The following REDIC1 variants were observed in gnomAD, a reference collection of about 807,000 sequenced individuals.
REDIC1 encodes HEI10 Interacting Protein 1.
the REDIC1 span, among the ~76,000 whole-genome samples, chr12:39,897,441 A>G: frequency 1.3e-5 from 2 of 152,200 alleles, no homozygotes; most frequent in South Asian, 4.1e-4. Context: ...TTCCACTGCT[A>G]TAAGTAGGAT....
chr12:39,712,464 G>T, the REDIC1 span, among the ~76,000 whole-genome samples: 1 of 106,104 alleles, frequency 9.4e-6, no homozygotes. Flanking sequence ...GTATATATAC[G>T]TATGTATATA....
chr12:39,711,731 G>GTGTATGTGTGTGTACACATGCA, the REDIC1 span, among the ~76,000 whole-genome samples: 2 of 9,240 alleles, frequency 2.2e-4, no homozygotes, highest in African/African-American at 5.1e-4. Context: ...GCACATGCAT[G>GTGTATGTGTGTGTACACATGCA]TGTGTATGTG....
the REDIC1 span, among the ~76,000 whole-genome samples, chr12:39,697,166 C>T: frequency 6.6e-6 from 1 of 152,130 alleles, no homozygotes; most frequent in Non-Finnish European, 1.5e-5. Flanking sequence ...CGTCTGGGAG[C>T]AGACTTTGCA....
the REDIC1 span, among the ~76,000 whole-genome samples, chr12:39,896,295 T>C: frequency 2.1e-5 from 3 of 143,972 alleles, no homozygotes; most frequent in East Asian, 2.1e-4. Flanking sequence ...TGTATATGTG[T>C]GTATATATGT....
chr12:39,786,234 G>C, the REDIC1 span, among the ~76,000 whole-genome samples: 1 of 152,066 alleles, frequency 6.6e-6, no homozygotes, highest in Non-Finnish European at 1.5e-5. Flanking sequence ...TTGAATCATG[G>C]GGGCTGGTCT....
chr12:39,882,296 A>G, the REDIC1 span, among the ~76,000 whole-genome samples: 6 of 152,308 alleles, frequency 3.9e-5, no homozygotes, highest in East Asian at 9.6e-4. Context: ...TCTAGGACCA[A>G]GAATTTGCCT....
the REDIC1 span, among the ~76,000 whole-genome samples, chr12:39,732,253 G>T: frequency 8.4e-3 from 1,277 of 152,246 alleles, 17 homozygotes; most frequent in African/African-American, 0.028. Flanking sequence ...GACATATGGA[G>T]ATTTTCATAG....
the REDIC1 span, among the ~76,000 whole-genome samples, chr12:39,781,063 T>A: frequency 5.3e-5 from 8 of 152,220 alleles, no homozygotes; most frequent in Admixed American, 3.9e-4. Flanking sequence ...CATAATAGCT[T>A]CACAGATTAA....
At chr12:39,710,011 G>A in the REDIC1 span, among the ~76,000 whole-genome samples, 2 of 151,468 alleles carry the variant, frequency 1.3e-5, no homozygotes, top group African/African-American at 4.8e-5. Context: ...TCTGACAGTG[G>A]TCACCCTAAG....
the REDIC1 span, among the ~76,000 whole-genome samples, chr12:39,654,369 C>T: frequency 1.3e-5 from 2 of 151,928 alleles, no homozygotes; most frequent in Non-Finnish European, 2.9e-5. Context: ...GGGCGGATCA[C>T]GAGGTCAGGA....
chr12:39,902,418 G>T, the REDIC1 span, among the ~76,000 whole-genome samples: 1 of 151,950 alleles, frequency 6.6e-6, no homozygotes, highest in Non-Finnish European at 1.5e-5. Flanking sequence ...TTTTAAACTT[G>T]AAATGTGTCT....
the REDIC1 span, among the ~76,000 whole-genome samples, chr12:39,896,380 GTATGTATATGTGTATATA>G: frequency 3.1e-3 from 413 of 134,178 alleles, no homozygotes; most frequent in African/African-American, 0.012. Context: ...ATACATATAT[GTATGTATATGTGTATATA>G]TGTATACATA....
At chr12:39,751,057 C>T in the REDIC1 span, among the ~76,000 whole-genome samples, 127,247 of 151,896 alleles carry the variant, frequency 0.84, 53,536 homozygotes, top group African/African-American at 0.88. Flanking sequence ...CCAAAATTGA[C>T]AAATGGGATC....
the REDIC1 span, among the ~76,000 whole-genome samples, chr12:39,783,340 T>C: frequency 6.6e-6 from 1 of 152,212 alleles, no homozygotes; most frequent in East Asian, 1.9e-4. Context: ...TACGTGTGCA[T>C]GTGTCTTTAT....
chr12:39,735,425 T>C, the REDIC1 span, among the ~76,000 whole-genome samples: 9 of 152,092 alleles, frequency 5.9e-5, no homozygotes, highest in Middle Eastern at 3.4e-3. Flanking sequence ...GAATAGAAAA[T>C]GATGTAGATT....
the REDIC1 span, among the ~76,000 whole-genome samples, chr12:39,647,477 C>T: frequency 6.6e-6 from 1 of 151,988 alleles, no homozygotes; most frequent in African/African-American, 2.4e-5. Flanking sequence ...CCTTAGAAAT[C>T]TTATCACCTG....
the REDIC1 span, among the ~76,000 whole-genome samples, chr12:39,691,033 G>A: frequency 2.0e-5 from 3 of 152,054 alleles, no homozygotes; most frequent in Non-Finnish European, 4.4e-5. Flanking sequence ...TAAGATAGAG[G>A]GGTTAGGGAA....
the REDIC1 span, among the ~76,000 whole-genome samples, chr12:39,848,176 G>C: frequency 6.6e-6 from 1 of 152,074 alleles, no homozygotes; most frequent in African/African-American, 2.4e-5. Context: ...AAATTGACAA[G>C]TGGGATCTAA....
chr12:39,730,629 A>G, the REDIC1 span, among the ~76,000 whole-genome samples: 1 of 152,022 alleles, frequency 6.6e-6, no homozygotes, highest in Non-Finnish European at 1.5e-5. Flanking sequence ...TCTGACGACT[A>G]CGTGTCTTGG....
Sources: gnomAD v4.1 joint callset for allele counts (sites outside exome capture counted in the v4.1 genomes callset) on GRCh38, gnomAD v4.1.1 for gene constraint, MANE v1.5 for transcripts, NCBI Gene and HGNC (gene_info 2026-07-23, HGNC 2026-07-21) for gene names.